The following XKR6 variants were observed in gnomAD, a reference collection of about 807,000 sequenced individuals.
XKR6 encodes the protein XK related 6.
In XKR6, 22 loss-of-function variants were observed where a neutral mutation model predicts 56.7. The ratio of observed to expected loss-of-function variants is 0.39; its 90% CI spans 0.28 to 0.55. The LOEUF is 0.55. XKR6 is among the 20% of genes least tolerant of loss of function. XKR6 has a pLI of 0.66. For synonymous variants in XKR6, 524 were observed against 387.8 expected, an observed-to-expected ratio of 1.35 and a Z score of -4.13; for missense variants, 852 against 889.0, an observed-to-expected ratio of 0.96 and a Z score of 0.53.
At chr8:10,988,904 T>A (rs1275801055) in intron 1 of XKR6, among the ~76,000 whole-genome samples, 1 of 152,220 alleles carries the variant, frequency 6.6e-6, no homozygotes, top group East Asian at 1.9e-4. Context: ...CGTTTCTTGA[T>A]GACCCAAAGT....
chr8:11,049,947 A>G (rs997861924), intron 1 of XKR6, among the ~76,000 whole-genome samples: 2 of 152,142 alleles, frequency 1.3e-5, no homozygotes, highest in African/African-American at 4.8e-5. Context: ...CCATTGCAAA[A>G]TATAGCGTCC....
At chr8:11,031,855 T>C (rs1799001370) in intron 1 of XKR6, among the ~76,000 whole-genome samples, 1 of 152,230 alleles carries the variant, frequency 6.6e-6, no homozygotes, top group Non-Finnish European at 1.5e-5. Context: ...AGAATCCATG[T>C]GTGATTTATT....
chr8:11,190,382 G>A (rs1803512547), intron 1 of XKR6, among the ~76,000 whole-genome samples: 1 of 152,156 alleles, frequency 6.6e-6, no homozygotes, highest in Admixed American at 6.5e-5. Flanking sequence ...ACATATTTGA[G>A]TGCAGTATTT....
intron 1 of XKR6, among the ~76,000 whole-genome samples, chr8:11,061,266 C>T (rs1343396517): frequency 6.6e-6 from 1 of 152,014 alleles, no homozygotes; most frequent in East Asian, 1.9e-4. Flanking sequence ...GGAGTTTGAG[C>T]CCAGCCTGGG....
intron 1 of XKR6, chr8:11,123,940 G>A (rs1290323822): frequency 4.4e-6 from 2 of 456,106 alleles, no homozygotes; most frequent in South Asian, 1.5e-5. Context: ...CCTCATCGCA[G>A]CAGAGGATCG....
chr8:11,173,623 C>T (rs1188275964), intron 1 of XKR6, among the ~76,000 whole-genome samples: 1 of 152,104 alleles, frequency 6.6e-6, no homozygotes, highest in Non-Finnish European at 1.5e-5. Flanking sequence ...GAGTGACACA[C>T]ATGCACAGCG....
intron 1 of XKR6, among the ~76,000 whole-genome samples, chr8:11,171,509 A>G (rs1056321093): frequency 4.6e-5 from 7 of 152,204 alleles, no homozygotes; most frequent in Non-Finnish European, 8.8e-5. Flanking sequence ...GAATAGATTC[A>G]TTCCCTTGGG....
chr8:10,955,135 C>G (rs1423104600), intron 1 of XKR6, among the ~76,000 whole-genome samples: 1 of 152,086 alleles, frequency 6.6e-6, no homozygotes, highest in Non-Finnish European at 1.5e-5. Context: ...TCCCAAAGTG[C>G]TGGGATTACA....
intron 1 of XKR6, among the ~76,000 whole-genome samples, chr8:10,943,844 T>C (rs1212809635): frequency 6.6e-6 from 1 of 152,016 alleles, no homozygotes; most frequent in African/African-American, 2.4e-5. Context: ...CCTGTCCACA[T>C]CCCTACGAAT....
At chr8:11,129,088 A>G (rs1348130535) in intron 1 of XKR6, 6 of 390,432 alleles carry the variant, frequency 1.5e-5, no homozygotes, top group Non-Finnish European at 3.0e-5. Flanking sequence ...TGTAATCAAG[A>G]GCCCAATCAA....
At chr8:11,026,190 C>CTAGATGGTCTAGCCTACTACACACT (rs1203045132) in intron 1 of XKR6, among the ~76,000 whole-genome samples, 1 of 151,270 alleles carries the variant, frequency 6.6e-6, no homozygotes, top group Non-Finnish European at 1.5e-5. Flanking sequence ...TACTACACAC[C>CTAGATGGTCTAGCCTACTACACACT]TAGATGGTCT....
intron 1 of XKR6, among the ~76,000 whole-genome samples, chr8:11,171,204 G>T (rs1802350173): frequency 6.6e-6 from 1 of 152,230 alleles, no homozygotes. Flanking sequence ...ACCTGTATAT[G>T]AGGCACTCTG....
chr8:11,095,073 C>G (rs1798225021), intron 1 of XKR6, among the ~76,000 whole-genome samples: 1 of 152,170 alleles, frequency 6.6e-6, no homozygotes, highest in South Asian at 2.1e-4. Flanking sequence ...TAGGCTGATA[C>G]AAAGGCAAAT....
intron 1 of XKR6, among the ~76,000 whole-genome samples, chr8:11,157,828 C>T (rs10106207): frequency 0.58 from 87,781 of 152,022 alleles, 28,775 homozygotes; most frequent in African/African-American, 0.88. Context: ...ATGTTTATTT[C>T]TTAGAGTCTC....
At chr8:10,903,787 A>T (rs543746402) in intron 2 of XKR6, among the ~76,000 whole-genome samples, 1 of 152,292 alleles carries the variant, frequency 6.6e-6, no homozygotes, top group Admixed American at 6.5e-5. Flanking sequence ...CTTGATCTGC[A>T]GTGCTCTGTG....
intron 1 of XKR6, among the ~76,000 whole-genome samples, chr8:11,042,185 C>T (rs975528854): frequency 6.6e-6 from 1 of 151,894 alleles, no homozygotes; most frequent in Non-Finnish European, 1.5e-5. Context: ...TATCACAGGT[C>T]GAGTCTCCCT....
rs185209862 is a variant in XKR6 at position 11,150,533 on chromosome 8, G to A, written c.764+50043C>T. Reference sequence around the variant, plus strand: ...CTGGAATATCTAACTATCTGGAAAAGAGGAGCTGGACAGAATGATCTCTTA... The same window carrying A: ...CTGGAATATCTAACTATCTGGAAAAAAGGAGCTGGACAGAATGATCTCTTA... On this transcript the variant is annotated intron_variant, in intron 1 of 2. Coordinates refer to ENST00000416569, the MANE Select transcript of XKR6 (RefSeq NM_173683.4). Among the ~76,000 whole-genome samples the A allele has an allele frequency of 7.9e-3, 1,200 of 152,254 alleles. 7 individuals carry two copies. Among genetic ancestry groups the A allele is most frequent in the Non-Finnish European group, 0.011 (760 of 68,012 alleles).
At chr8:11,004,736 T>C (rs1798326200) in intron 1 of XKR6, among the ~76,000 whole-genome samples, 1 of 152,204 alleles carries the variant, frequency 6.6e-6, no homozygotes, top group Admixed American at 6.5e-5. Context: ...GATAATTGTA[T>C]ATCCATGTTC....
At chr8:11,004,561 A>AAAAAGTAGC (rs1179134907) in intron 1 of XKR6, among the ~76,000 whole-genome samples, 1 of 152,244 alleles carries the variant, frequency 6.6e-6, no homozygotes, top group Non-Finnish European at 1.5e-5. Flanking sequence ...TGATGTTTAC[A>AAAAAGTAGC]AAAAGTAGCA....
Sources: gnomAD v4.1 joint callset for allele counts (sites outside exome capture counted in the v4.1 genomes callset) on GRCh38, gnomAD v4.1.1 for gene constraint, MANE v1.5 for transcripts, NCBI Gene and HGNC (gene_info 2026-07-23, HGNC 2026-07-21) for gene names.